Variants in MPRIP observed in about 807,000 individuals in gnomAD.
The protein encoded by MPRIP is myosin phosphatase Rho-interacting protein.
Under a neutral mutation model 234.9 loss-of-function variants are expected in MPRIP, and 59 were observed. The observed-to-expected ratio is 0.25, with a 90% CI of 0.20 to 0.31. MPRIP has a LOEUF of 0.31. Among genes scored for constraint, MPRIP ranks in the 10% least tolerant of loss-of-function variants. The probability of loss-of-function intolerance (pLI) is 1.00; values close to 1 mark genes in which losing one functional copy is unlikely to be tolerated. For missense variants in MPRIP, 2,436 were observed against 3,071.0 expected, an observed-to-expected ratio of 0.79 and a Z score of 4.89; for synonymous variants, 1,144 against 1,263.9, an observed-to-expected ratio of 0.91 and a Z score of 2.01.
At chr17:17,058,692 G>C (rs1030326480) in intron 1 of MPRIP, among the ~76,000 whole-genome samples, 1 of 152,208 alleles carries the variant, frequency 6.6e-6, no homozygotes, top group Non-Finnish European at 1.5e-5. Flanking sequence ...GTCTGCCTGT[G>C]CCTTGGAGTC....
chr17:17,160,791 G>A (rs2045845851), intron 14 of MPRIP, among the ~76,000 whole-genome samples: 1 of 152,204 alleles, frequency 6.6e-6, no homozygotes, highest in African/African-American at 2.4e-5. Flanking sequence ...AGCCTAGCCT[G>A]GCCTGTGTGA....
intron 3 of MPRIP, among the ~76,000 whole-genome samples, chr17:17,110,700 C>G (rs1014173271): frequency 6.6e-6 from 1 of 152,184 alleles, no homozygotes; most frequent in African/African-American, 2.4e-5. Context: ...TATGGTTGTC[C>G]TCCCTTAAAC....
At chr17:17,050,948 T>G (rs778180839) in intron 1 of MPRIP, among the ~76,000 whole-genome samples, 1 of 152,242 alleles carries the variant, frequency 6.6e-6, no homozygotes, top group Non-Finnish European at 1.5e-5. Flanking sequence ...ACCTGATCTT[T>G]TCCTCTGATT....
chr17:17,161,921 G>A (rs115416139), intron 15 of MPRIP, among the ~76,000 whole-genome samples: 3,610 of 152,310 alleles, frequency 0.024, 115 homozygotes, highest in Middle Eastern at 0.085. Context: ...GTACCACAGA[G>A]CCCTGATATA....
chr17:17,047,200 T>C (rs1437503452), intron 1 of MPRIP, among the ~76,000 whole-genome samples: 1 of 152,088 alleles, frequency 6.6e-6, no homozygotes, highest in Non-Finnish European at 1.5e-5. Flanking sequence ...ATAATAATAA[T>C]AAATTTAAAA....
intron 3 of MPRIP, chr17:17,096,757 C>T: frequency 2.1e-6 from 1 of 471,164 alleles, no homozygotes; most frequent in Non-Finnish European, 4.4e-6. Flanking sequence ...TTTTCCTTTT[C>T]CTCACTCCAG....
At chr17:17,159,283 G>A (rs1450606459) in intron 14 of MPRIP, among the ~76,000 whole-genome samples, 3 of 152,278 alleles carry the variant, frequency 2.0e-5, no homozygotes, top group South Asian at 4.1e-4. Flanking sequence ...AAGCGGCGTT[G>A]CAGGGCCTAG....
intron 12 of MPRIP, among the ~76,000 whole-genome samples, chr17:17,153,624 A>G (rs2045658798): frequency 1.2e-5 from 1 of 85,944 alleles, no homozygotes; most frequent in Admixed American, 1.2e-4. Context: ...CACCTCATCC[A>G]AGCAGGAGTC....
At chr17:17,132,288 T>TC (rs2090612920) in intron 5 of MPRIP, among the ~76,000 whole-genome samples, 1 of 152,190 alleles carries the variant, frequency 6.6e-6, no homozygotes, top group Non-Finnish European at 1.5e-5. Context: ...CTTACCACAC[T>TC]CCCCACGTTC....
chr17:17,180,575 G>A, intron 23 of MPRIP: 1 of 1,598,646 alleles, frequency 6.3e-7, no homozygotes, highest in Non-Finnish European at 8.6e-7. Flanking sequence ...GGGATTGGTT[G>A]TGTGTCTCAT....
intron 7 of MPRIP, among the ~76,000 whole-genome samples, chr17:17,140,775 G>A (rs866813925): frequency 2.6e-5 from 4 of 152,174 alleles, no homozygotes; most frequent in African/African-American, 9.7e-5. Context: ...GCTGAGTGGG[G>A]GAAGTTGTTT....
chr17:17,050,940 C>T (rs1427276929), intron 1 of MPRIP, among the ~76,000 whole-genome samples: 1 of 152,196 alleles, frequency 6.6e-6, no homozygotes, highest in Non-Finnish European at 1.5e-5. Flanking sequence ...AGCCTGTTAC[C>T]TGATCTTTTC....
At chr17:17,117,359 C>A (rs1383097370) in intron 3 of MPRIP, among the ~76,000 whole-genome samples, 2 of 152,194 alleles carry the variant, frequency 1.3e-5, no homozygotes, top group Non-Finnish European at 2.9e-5. Flanking sequence ...AAACATTAGG[C>A]CACTTCTCAT....
intron 3 of MPRIP, among the ~76,000 whole-genome samples, chr17:17,110,998 G>A (rs1363775974): frequency 2.0e-5 from 3 of 152,054 alleles, no homozygotes; most frequent in African/African-American, 7.3e-5. Context: ...GTCAGTATTG[G>A]TTTATTCATT....
At chr17:17,068,865 TCTTTTTCTTG>T (rs1401230558) in intron 1 of MPRIP, among the ~76,000 whole-genome samples, 1 of 152,166 alleles carries the variant, frequency 6.6e-6, no homozygotes, top group African/African-American at 2.4e-5. Flanking sequence ...ATTATTTCCT[TCTTTTTCTTG>T]CTTTTGATAT....
At position 17,051,697 on chromosome 17, in the gene MPRIP, G is replaced by A. The variant is rs145174388; in HGVS notation, c.123+8726G>A. The stretch of plus-strand genomic sequence containing the variant: ...CCATGCCCTACCCAGAGCTCTCAAG[G>A]CATTGTCACTTCCGTTGGGGGCAAG... On this transcript the variant is annotated intron_variant, in intron 1 of 23. Transcript: ENST00000651222. 5.8e-4 allele frequency among the ~76,000 whole-genome samples: 88 copies of A among 152,374 alleles called. No individual in the cohort carries two copies. In the East Asian group the frequency reaches 0.014, roughly 24 times the overall value.
At chr17:17,118,186 A>G (rs1377163759) in intron 3 of MPRIP, among the ~76,000 whole-genome samples, 1 of 152,226 alleles carries the variant, frequency 6.6e-6, no homozygotes, top group Non-Finnish European at 1.5e-5. Context: ...AGCCCAGGTC[A>G]TGGGGTGGTC....
chr17:17,057,962 AC>A (rs748035857), intron 1 of MPRIP: 10 of 441,266 alleles, frequency 2.3e-5, no homozygotes, highest in African/African-American at 4.0e-5. Flanking sequence ...CTGCCACCCA[AC>A]TTAAGAAAGA....
At chr17:17,133,460 T>C (rs1417038904) in intron 5 of MPRIP, among the ~76,000 whole-genome samples, 3 of 152,150 alleles carry the variant, frequency 2.0e-5, no homozygotes, top group Admixed American at 6.5e-5. Context: ...AGCCTGATGC[T>C]AAAGGCATTC....
Sources: allele counts gnomAD v4.1 joint callset (sites outside exome capture counted in the v4.1 genomes callset), GRCh38; gene constraint gnomAD v4.1.1; transcripts MANE v1.5; gene names NCBI Gene and HGNC (gene_info 2026-07-23, HGNC 2026-07-21).